RPGRIP1: variants seen among roughly 807,000 people sequenced by gnomAD.
RPGRIP1 encodes the protein X-linked retinitis pigmentosa GTPase regulator-interacting protein 1.
Under a neutral mutation model 157.9 loss-of-function variants are expected in RPGRIP1, and 128 were observed. That is an observed-to-expected ratio of 0.81 (90% CI 0.70 to 0.94). The LOEUF is 0.94. Among genes scored for constraint, RPGRIP1 ranks in the 40% least tolerant of loss-of-function variants. RPGRIP1 has a pLI of 0.00. For synonymous variants in RPGRIP1, 554 were observed against 571.6 expected (o/e 0.97, Z 0.44); for missense variants, 1,486 against 1,545.8 (o/e 0.96, Z 0.65).
At chr14:21,320,457 A>AT (rs930116888) in intron 12 of RPGRIP1, among the ~76,000 whole-genome samples, 14 of 150,986 alleles carry the variant, frequency 9.3e-5, no homozygotes, top group Non-Finnish European at 1.8e-4. Context: ...CGCCCGGTTA[A>AT]TTTTTTTGTA....
chr14:21,330,204 C>A (rs1033163586), intron 19 of RPGRIP1, 45 bp from the exon 20 acceptor site: 3 of 1,406,906 alleles, frequency 2.1e-6, no homozygotes, highest in Admixed American at 2.9e-5. Context: ...AGAAAGAAAA[C>A]CAAGATATTA....
chr14:21,336,743 C>T (rs1884406386), intron 21 of RPGRIP1, among the ~76,000 whole-genome samples: 1 of 152,110 alleles, frequency 6.6e-6, no homozygotes, highest in African/African-American at 2.4e-5. Flanking sequence ...AGTGAAAGAG[C>T]TGAAACTCCA....
chr14:21,319,908 A>T, intron 11 of RPGRIP1, 109 bp from the exon 12 acceptor site: 1 of 1,060,210 alleles, frequency 9.4e-7, no homozygotes, highest in Non-Finnish European at 1.4e-6. Flanking sequence ...TCTCAAATTT[A>T]TAACATTAAT....
intron 1 of RPGRIP1, among the ~76,000 whole-genome samples, chr14:21,280,853 T>C (rs1594366146): frequency 6.6e-6 from 1 of 152,280 alleles, no homozygotes; most frequent in East Asian, 1.9e-4. Flanking sequence ...TCTAATTATA[T>C]TGCTCTTTTG....
At position 21,334,691 on chromosome 14, in the gene RPGRIP1, AAAT is replaced by A. The variant is rs1279449027; in HGVS notation, c.3327_3329del (p.Lys1109_Tyr1110delinsAsn). Reference sequence around the variant, plus strand: ...TGTCATAGTGCCACCCATGTCTCAGAAATATCCTAAGGCAGTAAGTACACTGGA... The same window carrying A: ...TGTCATAGTGCCACCCATGTCTCAGAATCCTAAGGCAGTAAGTACACTGGA... On this transcript the variant is annotated inframe_deletion, in exon 21 of 25. Transcript: ENST00000400017. The A allele has an allele frequency of 1.2e-6, 2 of 1,600,660 alleles. No homozygotes were observed. The highest frequency in any genetic ancestry group is 3.4e-5 in the Admixed American group (2 of 58,600).
At chr14:21,308,573 G>A (rs1385578087) in intron 7 of RPGRIP1, among the ~76,000 whole-genome samples, 2 of 152,190 alleles carry the variant, frequency 1.3e-5, no homozygotes, top group African/African-American at 2.4e-5. Flanking sequence ...TGCTGATATG[G>A]CTGATAAGTG....
At chr14:21,325,458 A>C in intron 16 of RPGRIP1, 75 bp downstream of exon 16, 1 of 1,350,108 alleles carries the variant, frequency 7.4e-7, no homozygotes, top group East Asian at 2.5e-5. Context: ...TCAGTCTTCC[A>C]CTCTCAATAA....
Position 21,303,176 on chromosome 14 carries a change from C to T in RPGRIP1, c.588-155C>T, listed in dbSNP as rs7140589. On this transcript the variant is annotated intron_variant, in intron 5 of 24. Transcript: ENST00000400017. ...AGCCACCACGCCTGGCCCATAATTC[C>T]TTTATGTTTTGTTTGACATTTGAAA... Among the ~76,000 whole-genome samples, 36,268 of 151,960 alleles carry T rather than the reference C, an allele frequency of 0.24. 4,632 individuals carry two copies. The highest frequency in any genetic ancestry group is 0.29 in the South Asian group (1,415 of 4,814).
intron 6 of RPGRIP1, among the ~76,000 whole-genome samples, chr14:21,307,171 C>T (rs988984633): frequency 1.3e-5 from 2 of 152,146 alleles, no homozygotes; most frequent in African/African-American, 4.8e-5. Flanking sequence ...GATTCTCTTG[C>T]CCAGTGTCCA....
At chr14:21,303,248 T>C (rs1881116146) in intron 5 of RPGRIP1, 83 bp from the exon 6 acceptor site, 3 of 889,000 alleles carry the variant, frequency 3.4e-6, no homozygotes, top group Non-Finnish European at 5.2e-6. Context: ...GGTTACTGAT[T>C]CACTTAATTT....
rs1282350183 is a variant in RPGRIP1 at position 21,281,688 on chromosome 14, C to CAAAAAA, written c.-39+1538_-39+1543dup. Among the ~76,000 whole-genome samples, 521 of 79,108 alleles carry CAAAAAA rather than the reference C, an allele frequency of 6.6e-3. 4 individuals carry two copies. The highest frequency in any genetic ancestry group is 0.025 in the African/African-American group (476 of 18,704). The allele number at this position is 79,108 out of a possible 152,430, so 51.9% of individuals were successfully genotyped here. A position where few individuals can be genotyped will look rare whatever the true frequency, so the allele number is the denominator to read the frequency against. ...TGGGCAACAGAGTGAGACCTTGTCT[C>CAAAAAA]AAAAAAAAAAAAAATAAATAATAAT... is the stretch of plus-strand genomic sequence containing the variant. On this transcript the variant is annotated intron_variant, in intron 1 of 24. Transcript: ENST00000400017.
At chr14:21,314,933 C>T (rs1012615904) in intron 10 of RPGRIP1, among the ~76,000 whole-genome samples, 2 of 150,092 alleles carry the variant, frequency 1.3e-5, no homozygotes, top group African/African-American at 2.5e-5. Context: ...TGAGGCAGGG[C>T]GAATTGCTTG....
chr14:21,289,303 A>T (rs958665942), intron 2 of RPGRIP1, among the ~76,000 whole-genome samples: 32 of 151,932 alleles, frequency 2.1e-4, no homozygotes, highest in African/African-American at 7.7e-4. Flanking sequence ...ACTCCAGCCT[A>T]GGCGACAGAG....
chr14:21,322,110 A>G, intron 14 of RPGRIP1, 106 bp downstream of exon 14: 2 of 890,320 alleles, frequency 2.2e-6, no homozygotes, highest in Admixed American at 2.9e-5. Flanking sequence ...TACCCTTAGC[A>G]TATGACTTAT....
chr14:21,328,319 A>T, intron 18 of RPGRIP1, 105 bp from the exon 19 acceptor site: 1 of 793,308 alleles, frequency 1.3e-6, no homozygotes, highest in East Asian at 2.5e-5. Context: ...TCTCAGCTCC[A>T]TGAGGAGAGA....
intron 19 of RPGRIP1, among the ~76,000 whole-genome samples, chr14:21,329,214 G>A (rs946889184): frequency 4.6e-4 from 70 of 151,890 alleles, no homozygotes; most frequent in Non-Finnish European, 8.8e-4. Context: ...ACTCAGTCGG[G>A]AGGCTGAGGT....
At chr14:21,307,160 C>T (rs941450225) in intron 6 of RPGRIP1, among the ~76,000 whole-genome samples, 1 of 152,154 alleles carries the variant, frequency 6.6e-6, no homozygotes, top group African/African-American at 2.4e-5. Context: ...GCAGTTCAAG[C>T]GATTCTCTTG....
chr14:21,334,110 C>A (rs113229201), intron 20 of RPGRIP1, among the ~76,000 whole-genome samples: 1 of 151,652 alleles, frequency 6.6e-6, no homozygotes, highest in Non-Finnish European at 1.5e-5. Flanking sequence ...TTAGTAGAGA[C>A]GGGGCTTCAC....
intron 10 of RPGRIP1, among the ~76,000 whole-genome samples, chr14:21,313,594 C>T (rs906271283): frequency 3.3e-5 from 5 of 151,922 alleles, no homozygotes; most frequent in Non-Finnish European, 7.4e-5. Flanking sequence ...TAGAGACCAG[C>T]CTGACCAACA....
Sources: gnomAD v4.1 joint callset for allele counts (sites outside exome capture counted in the v4.1 genomes callset) on GRCh38, gnomAD v4.1.1 for gene constraint, MANE v1.5 for transcripts, NCBI Gene and HGNC (gene_info 2026-07-23, HGNC 2026-07-21) for gene names.